Variants in NDUFA10 observed in about 807,000 individuals in gnomAD.
NDUFA10 encodes the protein NADH:ubiquinone oxidoreductase subunit A10.
NDUFA10 carries 40 observed loss-of-function variants against 47.8 expected under a neutral mutation model. That is an observed-to-expected ratio of 0.84 (90% CI 0.65 to 1.09). NDUFA10 has a LOEUF of 1.09. Ranked by LOEUF, NDUFA10 falls within the 50% of genes least tolerant of loss-of-function variation. The probability of loss-of-function intolerance (pLI) is 0.00; values close to 1 mark genes in which losing one functional copy is unlikely to be tolerated. For synonymous variants in NDUFA10, 183 were observed against 172.2 expected, an observed-to-expected ratio of 1.06 and a Z score of -0.49; for missense variants, 413 against 451.1, an observed-to-expected ratio of 0.92 and a Z score of 0.76.
intron 8 of NDUFA10, among the ~76,000 whole-genome samples, chr2:240,003,118 G>A (rs550009901): frequency 3.0e-4 from 46 of 152,276 alleles, no homozygotes; most frequent in Non-Finnish European, 5.4e-4. Flanking sequence ...CCAACGTGCT[G>A]GGTTTACAGA....
chr2:239,973,995 T>C (rs1209010790), intron 9 of NDUFA10, among the ~76,000 whole-genome samples: 2 of 152,170 alleles, frequency 1.3e-5, no homozygotes, highest in Non-Finnish European at 2.9e-5. Context: ...GTGGCAATTC[T>C]GGCCCACTGC....
At chr2:239,971,254 C>T (rs957035505) in intron 9 of NDUFA10, among the ~76,000 whole-genome samples, 1 of 152,218 alleles carries the variant, frequency 6.6e-6, no homozygotes, top group African/African-American at 2.4e-5. Flanking sequence ...AAGAAACCTC[C>T]TGAACAAGCA....
rs68020098 is a variant in NDUFA10, at chr2:239,905,582, G to A, written c.295-10268C>T. Among the ~76,000 whole-genome samples, 18 of 152,120 alleles carry A rather than the reference G, an allele frequency of 1.2e-4. 1 individual carries two copies. The South Asian group carries it at 1.5e-3, about 12-fold the overall frequency. ...GTTCTTCACGGGATGCTGCCGCGTC[G>A]GGGGGTTTACGCAGCAAAGCCTGAG... On this transcript the variant is annotated intron_variant, in intron 4 of 5. Coordinates refer to the NDUFA10 transcript ENST00000419408.
At chr2:240,002,356 A>G (rs1037970147) in intron 8 of NDUFA10, among the ~76,000 whole-genome samples, 4 of 142,938 alleles carry the variant, frequency 2.8e-5, no homozygotes, top group African/African-American at 7.9e-5. Context: ...AAAAAAAAAA[A>G]GACAAGGAAA....
At chr2:239,896,528 C>A (rs762388011) in intron 4 of NDUFA10, among the ~76,000 whole-genome samples, 8 of 152,198 alleles carry the variant, frequency 5.3e-5, no homozygotes, top group African/African-American at 9.7e-5. Flanking sequence ...CTGCAACCAG[C>A]CAGTGGGGCC....
At chr2:239,929,322 C>T (rs1382087865) in intron 4 of NDUFA10, among the ~76,000 whole-genome samples, 2 of 152,022 alleles carry the variant, frequency 1.3e-5, no homozygotes, top group African/African-American at 4.8e-5. Flanking sequence ...ACTGAGTTGT[C>T]GAAGGTGGTT....
At chr2:239,984,976 A>G (rs2106434825) in intron 9 of NDUFA10, among the ~76,000 whole-genome samples, 1 of 152,330 alleles carries the variant, frequency 6.6e-6, no homozygotes, top group Admixed American at 6.5e-5. Context: ...CACAAAACGG[A>G]AGCCCAGCGT....
At chr2:239,916,837 G>A (rs1559279402) in intron 4 of NDUFA10, among the ~76,000 whole-genome samples, 1 of 152,224 alleles carries the variant, frequency 6.6e-6, no homozygotes, top group Non-Finnish European at 1.5e-5. Flanking sequence ...ACCAGCTCTT[G>A]GTGGCCCCAC....
Position 240,022,348 on chromosome 2 carries a change from A to T in NDUFA10, c.76-8T>A. The T allele has an allele frequency of 6.2e-7, 1 of 1,614,012 alleles. No individual in the cohort carries two copies. Among genetic ancestry groups the T allele is most frequent in the Non-Finnish European group, 8.5e-7 (1 of 1,179,974 alleles). ...ACTGCTATGAATTCCTCTCTGAAAA[A>T]CACAAAATCACACAGCAGCACATTG... On this transcript the variant is annotated splice_polypyrimidine_tract_variant and splice_region_variant and intron_variant, in intron 1 of 9. Transcript: ENST00000252711.
chr2:239,919,359 C>T (rs1289327934), intron 4 of NDUFA10, among the ~76,000 whole-genome samples: 3 of 152,174 alleles, frequency 2.0e-5, no homozygotes, highest in African/African-American at 7.2e-5. Context: ...TCTGCCCCTC[C>T]CTGTCCTTCA....
At chr2:239,990,704 G>A (rs913066049) in intron 8 of NDUFA10, among the ~76,000 whole-genome samples, 5 of 152,080 alleles carry the variant, frequency 3.3e-5, no homozygotes, top group African/African-American at 7.2e-5. Flanking sequence ...GTTGTACCAC[G>A]GCTTGTAAAA....
intron 4 of NDUFA10, among the ~76,000 whole-genome samples, chr2:239,936,957 C>G (rs556381652): frequency 3.9e-5 from 6 of 152,166 alleles, no homozygotes; most frequent in Non-Finnish European, 8.8e-5. Context: ...GAGACCCTGT[C>G]TCAAAAAAAT....
intron 9 of NDUFA10, chr2:239,973,600 G>C (rs918387318): frequency 1.1e-5 from 5 of 470,300 alleles, no homozygotes; most frequent in Non-Finnish European, 2.2e-5. Flanking sequence ...GGAACGATCA[G>C]CTTCAAGGAG....
rs557453813 is a variant in NDUFA10, at chr2:239,902,596, T to C, written c.295-7282A>G. Among the ~76,000 whole-genome samples, 7 of 152,324 alleles carry C rather than the reference T, an allele frequency of 4.6e-5. No homozygotes were observed. In the East Asian group the frequency reaches 1.4e-3, roughly 29 times the overall value. On this transcript the variant is annotated intron_variant, in intron 4 of 5. Coordinates refer to the NDUFA10 transcript ENST00000419408. Reference sequence around the variant, plus strand: ...CAGTGGTCTGGAACTGAACCCGCAATACCCCAAAGGTATGTCTGTACACAC... The same window carrying C: ...CAGTGGTCTGGAACTGAACCCGCAACACCCCAAAGGTATGTCTGTACACAC...
intron 8 of NDUFA10, among the ~76,000 whole-genome samples, chr2:239,999,175 C>T (rs905520695): frequency 6.6e-6 from 1 of 152,200 alleles, no homozygotes; most frequent in Non-Finnish European, 1.5e-5. Context: ...CCTGCAGTGA[C>T]CAACTCAAGA....
intron 9 of NDUFA10, chr2:239,969,768 C>T (rs539913553): frequency 8.5e-6 from 4 of 471,386 alleles, no homozygotes; most frequent in African/African-American, 6.0e-5. Flanking sequence ...AAGACCTAAA[C>T]CAACACAATG....
At chr2:239,988,338 A>G (rs1229137006) in intron 9 of NDUFA10, among the ~76,000 whole-genome samples, 1 of 152,200 alleles carries the variant, frequency 6.6e-6, no homozygotes, top group Non-Finnish European at 1.5e-5. Flanking sequence ...TAACAAGGCA[A>G]TTCTAAATTG....
At chr2:239,991,116 T>C (rs1696228239) in intron 8 of NDUFA10, among the ~76,000 whole-genome samples, 1 of 152,124 alleles carries the variant, frequency 6.6e-6, no homozygotes, top group African/African-American at 2.4e-5. Flanking sequence ...CCACGGCCTG[T>C]TCCCCACAGT....
At chr2:239,972,798 T>C (rs1695355133) in intron 9 of NDUFA10, among the ~76,000 whole-genome samples, 1 of 152,246 alleles carries the variant, frequency 6.6e-6, no homozygotes, top group African/African-American at 2.4e-5. Context: ...TCTTATTAGC[T>C]GTGAATAATA....
Sources: allele counts gnomAD v4.1 joint callset (sites outside exome capture counted in the v4.1 genomes callset), GRCh38; gene constraint gnomAD v4.1.1; transcripts MANE v1.5; gene names NCBI Gene and HGNC (gene_info 2026-07-23, HGNC 2026-07-21).